DNAH5: variants seen among roughly 807,000 people sequenced by gnomAD.
DNAH5 encodes dynein axonemal heavy chain 5.
A neutral mutation model predicts 518.2 loss-of-function variants in DNAH5; 372 were observed. The ratio of observed to expected loss-of-function variants is 0.72; its 90% confidence interval spans 0.66 to 0.78. DNAH5 has a LOEUF of 0.78. Among genes scored for constraint, DNAH5 ranks in the 30% least tolerant of loss-of-function variants. DNAH5 has a pLI of 0.00. For synonymous variants in DNAH5, 2,039 were observed against 2,025.9 expected (o/e 1.01, Z -0.17); for missense variants, 5,523 against 5,687.0 (o/e 0.97, Z 0.93).
At chr5:13,813,301 T>C (rs1481853341) in intron 43 of DNAH5, among the ~76,000 whole-genome samples, 1 of 152,226 alleles carries the variant, frequency 6.6e-6, no homozygotes, top group African/African-American at 2.4e-5. Flanking sequence ...CATTAGCTAG[T>C]ACTCCTTAGC....
chr5:13,723,944 C>T lies in DNAH5; in HGVS notation c.12034-2699G>A, dbSNP rs139548551. Among the ~76,000 whole-genome samples the T allele has an allele frequency of 2.4e-3, 368 of 152,278 alleles. 7 individuals are homozygous for T. The East Asian group carries it at 0.054, about 22-fold the overall frequency. ...GCGGGGACATTCTTAAATAGGGTCACAGTCATGGTTCAAATTGGCTCCAAG... is the reference window on the plus strand; with the variant it reads ...GCGGGGACATTCTTAAATAGGGTCATAGTCATGGTTCAAATTGGCTCCAAG... On this transcript the variant is annotated intron_variant, in intron 70 of 78. Coordinates refer to ENST00000265104, the MANE Select transcript of DNAH5 (RefSeq NM_001369.3).
In DNAH5 at chr5:13,814,587, A is replaced by G; in HGVS notation, c.7230+18T>C. ...CTGTTTTCCTTTTTAATTATACAAA[A>G]GAAGGATTCAATTATACCTCAAGAA... On this transcript the variant is annotated intron_variant, in intron 43 of 78. Coordinates refer to ENST00000265104, the MANE Select transcript of DNAH5 (RefSeq NM_001369.3). 3.1e-6 allele frequency: 5 copies of G among 1,612,868 alleles called. No individual in the cohort carries two copies. The highest frequency in any genetic ancestry group is 4.2e-6 in the Non-Finnish European group (5 of 1,179,018).
At position 13,894,767 on chromosome 5, in the gene DNAH5, G is replaced by A; in HGVS notation, c.2314C>T (p.Gln772Ter). The A allele has an allele frequency of 1.2e-6, 2 of 1,614,104 alleles. No homozygotes were observed. Among genetic ancestry groups the A allele is most frequent in the East Asian group, 4.5e-5 (2 of 44,878 alleles). ...VKSKIPAAIE[Q>*]LIVPHLAKVD... ...TTGGCCAAGTGAGGGACAATCAATT[G>A]CTCAATGGCAGCAGGTATTTTTGAC... is the stretch of plus-strand genomic sequence containing the variant. Residue 772 changes from glutamine to a stop codon, truncating the protein, a stop_gained, in exon 16 of 79, where the codon CAA (glutamine) becomes TAA (stop). Coordinates refer to ENST00000265104, the MANE Select transcript of DNAH5 (RefSeq NM_001369.3). LOFTEE classifies it high-confidence loss of function.
Position 13,824,241 on chromosome 5 carries a change from C to T in DNAH5, c.6537G>A (p.Thr2179=), listed in dbSNP as rs201482933. Residue 2179 remains threonine, a synonymous_variant, in exon 39 of 79, where the codon ACG becomes ACA. Transcript: ENST00000265104. ...TGTCCCGTAGTACACGCATGACAAT[C>T]GTGGACTCCGTATCCATTGGATTGG... ...KRANPMDTES[T]IVMRVLRDMN... 3 of 1,614,072 alleles carry T rather than the reference C, an allele frequency of 1.9e-6. No homozygotes were observed. The highest frequency in any genetic ancestry group is 2.2e-5 in the East Asian group (1 of 44,872).
chr5:13,984,955 G>A (rs544207096), intron 1 of DNAH5, among the ~76,000 whole-genome samples: 7 of 152,220 alleles, frequency 4.6e-5, no homozygotes, highest in Admixed American at 4.6e-4. Context: ...TATAAATCAT[G>A]CTGCTATAAA....
chr5:13,838,508 A>T (rs1764713590), intron 35 of DNAH5, among the ~76,000 whole-genome samples: 1 of 152,138 alleles, frequency 6.6e-6, no homozygotes, highest in African/African-American at 2.4e-5. Context: ...TGAGCTGTGC[A>T]TGTGAGGGAT....
intron 75 of DNAH5, among the ~76,000 whole-genome samples, chr5:13,710,680 C>T (rs376283175): frequency 1.3e-5 from 2 of 151,782 alleles, no homozygotes; most frequent in African/African-American, 2.4e-5. Context: ...ACAAAACAGG[C>T]GATATTACAA....
chr5:13,992,352 GA>G (rs1783615587), intron 1 of DNAH5, among the ~76,000 whole-genome samples: 1 of 152,116 alleles, frequency 6.6e-6, no homozygotes. Flanking sequence ...TCACATTTAA[GA>G]AATTCAGAAA....
At chr5:13,856,496 A>T (rs761455385) in intron 30 of DNAH5, among the ~76,000 whole-genome samples, 1 of 151,934 alleles carries the variant, frequency 6.6e-6, no homozygotes, top group Non-Finnish European at 1.5e-5. Context: ...AAAAAGAGGG[A>T]CTCCTCCCTA....
rs1455205303 is a variant in DNAH5, at chr5:13,810,200, A to T, written c.7468T>A (p.Trp2490Arg). The T allele has an allele frequency of 6.5e-7, 1 of 1,550,218 alleles. No homozygotes were observed. Among genetic ancestry groups the T allele is most frequent in the Non-Finnish European group, 8.7e-7 (1 of 1,146,778 alleles). Residue 2490 changes from tryptophan to arginine, a missense_variant, in exon 45 of 79, where the codon TGG becomes AGG. Transcript: ENST00000265104. ...AGCTCCAGCGCCGCCCCCGCGCTCC[A>T]CAGCAGCGCGAACACGAACAGCCGC... is the stretch of plus-strand genomic sequence containing the variant. ...LGRLFVFALL[W>R]SAGAALELDG...
At chr5:13,801,300 G>A (rs761276375) in intron 47 of DNAH5, among the ~76,000 whole-genome samples, 42 of 152,182 alleles carry the variant, frequency 2.8e-4, no homozygotes, top group Admixed American at 3.9e-4. Flanking sequence ...CTCCTGCTCC[G>A]GCCACGTGAG....
Position 13,708,476 on chromosome 5 carries a change from G to GA in DNAH5, c.13126-142dup, listed in dbSNP as rs5866062. The GA allele has an allele frequency of 0.38, 226,642 of 592,590 alleles. 16,736 individuals are homozygous for GA. The highest frequency in any genetic ancestry group is 0.41 in the Middle Eastern group (850 of 2,060). The allele number at this position is 592,590 out of a possible 1,614,324, so 36.7% of individuals were successfully genotyped here. A position where few individuals can be genotyped will look rare whatever the true frequency, so the allele number is the denominator to read the frequency against. On this transcript the variant is annotated intron_variant, in intron 75 of 78. Transcript: ENST00000265104. ...CTTCTAATTTATTGCATGGCAAAAA[G>GA]AAAAAAAAAAAGAAAAGAAAACAGA...
At chr5:13,803,341 T>C (rs186856261) in intron 47 of DNAH5, among the ~76,000 whole-genome samples, 1 of 152,254 alleles carries the variant, frequency 6.6e-6, no homozygotes, top group Admixed American at 6.5e-5. Flanking sequence ...CAATAGTACA[T>C]TGTAAAAAGT....
At chr5:13,787,372 T>C (rs898132579) in intron 51 of DNAH5, among the ~76,000 whole-genome samples, 1 of 152,188 alleles carries the variant, frequency 6.6e-6, no homozygotes, top group South Asian at 2.1e-4. Flanking sequence ...TTTCTAACCT[T>C]ATAGTACATA....
chr5:13,927,282 G>A (rs117046817), intron 3 of DNAH5, among the ~76,000 whole-genome samples: 3,117 of 152,122 alleles, frequency 0.02, 108 homozygotes, highest in East Asian at 0.094. Context: ...TCACAAGGTC[G>A]AGAGATCGAG....
chr5:13,959,286 A>C (rs1581044424), intron 1 of DNAH5, among the ~76,000 whole-genome samples: 2 of 152,352 alleles, frequency 1.3e-5, no homozygotes, highest in East Asian at 3.9e-4. Flanking sequence ...GAGTCCTCGC[A>C]GAACTCCAAA....
At chr5:13,985,430 A>AATATATACATAT (rs1395996357) in intron 1 of DNAH5, among the ~76,000 whole-genome samples, 4 of 127,332 alleles carry the variant, frequency 3.1e-5, no homozygotes, top group African/African-American at 1.1e-4. Context: ...AGTATAATAA[A>AATATATACATAT]ATATATATAT....
At position 13,871,638 on chromosome 5, in the gene DNAH5, T is replaced by C. The variant is rs1770118367; in HGVS notation, c.3524A>G (p.Tyr1175Cys). Residue 1175 changes from tyrosine to cysteine, a missense_variant, in exon 23 of 79, where the codon TAT becomes TGT. This residue lies in a region of DNAH5 where 5,121 missense variants were observed against 5,223.3 expected (regional missense o/e 0.98). Coordinates refer to ENST00000265104, the MANE Select transcript of DNAH5 (RefSeq NM_001369.3). ...LLSEFESQIL[Y>C]FQNLEQEINA... ...AATTTCCTGCTCTAGGTTTTGGAAA[T>C]AGAGAATCTGGGACTCAAATTCAGA... The C allele has an allele frequency of 1.9e-6, 3 of 1,613,844 alleles. No individual in the cohort carries two copies. The East Asian group carries it at 6.7e-5, about 36-fold the overall frequency.
rs1277774918 is a variant in DNAH5 at position 13,890,973 on chromosome 5, G to T, written c.2577+3C>A. On this transcript the variant is annotated splice_donor_region_variant and intron_variant, in intron 17 of 78. Transcript: ENST00000265104. ...AAACAAAAAAAATCAAGGTTTTAAT[G>T]ACCTTTGTCATTTGGAGAAACTCTT... is the stretch of plus-strand genomic sequence containing the variant. 4 of 1,613,988 alleles carry T rather than the reference G, an allele frequency of 2.5e-6. No individual in the cohort carries two copies. Among genetic ancestry groups the T allele is most frequent in the Non-Finnish European group, 3.4e-6 (4 of 1,179,964 alleles).
Sources: allele counts gnomAD v4.1 joint callset (sites outside exome capture counted in the v4.1 genomes callset), GRCh38; gene constraint gnomAD v4.1.1; regional missense constraint gnomAD v4.1.1; transcripts MANE v1.5; gene names NCBI Gene and HGNC (gene_info 2026-07-23, HGNC 2026-07-21).